SLC9A2: variants seen among roughly 807,000 people sequenced by gnomAD.
The protein encoded by SLC9A2 is solute carrier family 9 member A2, also known as sodium/hydrogen exchanger 2.
Under a neutral mutation model 71.7 loss-of-function variants are expected in SLC9A2, and 42 were observed. That is an observed-to-expected ratio of 0.59 (90% CI 0.46 to 0.76). SLC9A2 has a LOEUF of 0.76. SLC9A2 is among the 30% of genes least tolerant of loss of function. The pLI is 0.00. For synonymous variants in SLC9A2, 396 were observed against 392.5 expected (o/e 1.01, Z -0.10); for missense variants, 829 against 1,017.4 (o/e 0.81, Z 2.52).
At chr2:102,628,497 G>A (rs1023625347) in intron 1 of SLC9A2, among the ~76,000 whole-genome samples, 1 of 152,058 alleles carries the variant, frequency 6.6e-6, no homozygotes, top group Non-Finnish European at 1.5e-5. Flanking sequence ...TGATCCAAAT[G>A]GGTAAATTTT....
At chr2:102,650,650 G>A (rs911924254) in intron 1 of SLC9A2, among the ~76,000 whole-genome samples, 5 of 152,086 alleles carry the variant, frequency 3.3e-5, no homozygotes, top group Non-Finnish European at 7.4e-5. Flanking sequence ...GATAACACTG[G>A]TTAAATTATG....
Position 102,708,873 on chromosome 2 carries a change from A to C in SLC9A2, c.*384A>C. 5.1e-6 allele frequency: 1 copy of C among 195,906 alleles called. No individual in the cohort carries two copies. 12.1% of individuals were successfully genotyped at this position (195,906 alleles called of 1,614,324 possible). A position where few individuals can be genotyped will look rare whatever the true frequency, so the allele number is the denominator to read the frequency against. On this transcript the variant is annotated 3_prime_UTR_variant, in exon 12 of 12. Coordinates refer to ENST00000233969, the MANE Select transcript of SLC9A2 (RefSeq NM_003048.6). ...TTTATGAAAAAATATGTATATCTGTAATCAGTTGTTAAGTGAATGGCACTA... is the reference window on the plus strand; with the variant it reads ...TTTATGAAAAAATATGTATATCTGTCATCAGTTGTTAAGTGAATGGCACTA...
At chr2:102,683,623 T>C (rs1251592172) in intron 4 of SLC9A2, 145 bp downstream of exon 4, 2 of 658,950 alleles carry the variant, frequency 3.0e-6, no homozygotes, top group Non-Finnish European at 5.3e-6. Flanking sequence ...CTTCCTCCTC[T>C]TCTTCCTCTT....
chr2:102,649,720 A>G (rs1471372433), intron 1 of SLC9A2, among the ~76,000 whole-genome samples: 2 of 152,234 alleles, frequency 1.3e-5, no homozygotes, highest in Admixed American at 6.5e-5. Flanking sequence ...CATGAAAAAA[A>G]GCTCATCATC....
At chr2:102,631,611 T>A (rs1472650210) in intron 1 of SLC9A2, among the ~76,000 whole-genome samples, 1 of 152,086 alleles carries the variant, frequency 6.6e-6, no homozygotes, top group African/African-American at 2.4e-5. Context: ...TTTGTGTCCA[T>A]ATTGTTGGAT....
chr2:102,701,310 T>A lies in SLC9A2; in HGVS notation c.1748+79T>A, dbSNP rs879880567. 612 of 1,102,892 alleles carry A rather than the reference T, an allele frequency of 5.5e-4. 2 individuals carry two copies. The highest frequency in any genetic ancestry group is 7.2e-4 in the Non-Finnish European group (560 of 776,932). 68.3% of individuals were successfully genotyped at this position (1,102,892 alleles called of 1,614,324 possible). A position where few individuals can be genotyped will look rare whatever the true frequency, so the allele number is the denominator to read the frequency against. ...ATTTTGAAACTGGTAATAATAATTT[T>A]AAAAAAATTATTATTAATTGATCCG... On this transcript the variant is annotated intron_variant, in intron 8 of 11. Transcript: ENST00000233969.
intron 9 of SLC9A2, among the ~76,000 whole-genome samples, chr2:102,703,130 G>A (rs1278205134): frequency 6.6e-6 from 1 of 152,168 alleles, no homozygotes; most frequent in Non-Finnish European, 1.5e-5. Flanking sequence ...TTGCTCATGT[G>A]GGGGCTGTTT....
intron 3 of SLC9A2, among the ~76,000 whole-genome samples, chr2:102,676,122 C>A (rs1677341645): frequency 6.6e-6 from 1 of 152,198 alleles, no homozygotes; most frequent in Non-Finnish European, 1.5e-5. Context: ...CATGTAGAAC[C>A]ACAAAGTATT....
rs1678089030 is a variant in SLC9A2 at position 102,710,630 on chromosome 2, TGACA to T, written c.*2142_*2145del. 6.8e-6 allele frequency: 1 copy of T among 147,346 alleles called. No individual in the cohort carries two copies. Among genetic ancestry groups the T allele is most frequent in the South Asian group, 2.1e-4 (1 of 4,832 alleles). 9.1% of individuals were successfully genotyped at this position (147,346 alleles called of 1,614,324 possible). A position where few individuals can be genotyped will look rare whatever the true frequency, so the allele number is the denominator to read the frequency against. ...GTTTAAATTTTTTTTGTTTGTTGAA[TGACA>T]AAGGCAATAAAAATAAATTTGACTT... is the stretch of plus-strand genomic sequence containing the variant. On this transcript the variant is annotated 3_prime_UTR_variant, in exon 12 of 12. Transcript: ENST00000233969.
chr2:102,623,178 TC>T (rs1334292729), intron 1 of SLC9A2, among the ~76,000 whole-genome samples: 1 of 152,116 alleles, frequency 6.6e-6, no homozygotes, highest in Non-Finnish European at 1.5e-5. Context: ...CCTCCTGTCC[TC>T]CCCCAAATTT....
At chr2:102,654,900 T>C (rs2104517797) in intron 1 of SLC9A2, among the ~76,000 whole-genome samples, 1 of 152,318 alleles carries the variant, frequency 6.6e-6, no homozygotes, top group South Asian at 2.1e-4. Flanking sequence ...TATTTAAACA[T>C]ATCTAGACAT....
At chr2:102,706,530 A>G (rs1237288161) in intron 11 of SLC9A2, among the ~76,000 whole-genome samples, 1 of 152,180 alleles carries the variant, frequency 6.6e-6, no homozygotes, top group East Asian at 1.9e-4. Flanking sequence ...CATATGTAAC[A>G]AACCTGCACA....
chr2:102,666,989 C>T (rs755978960), intron 3 of SLC9A2, among the ~76,000 whole-genome samples: 1 of 152,116 alleles, frequency 6.6e-6, no homozygotes, highest in Non-Finnish European at 1.5e-5. Context: ...TGACTTTTGC[C>T]ATATATCAGC....
At chr2:102,666,881 A>C (rs1284699214) in intron 3 of SLC9A2, among the ~76,000 whole-genome samples, 1 of 152,188 alleles carries the variant, frequency 6.6e-6, no homozygotes, top group Non-Finnish European at 1.5e-5. Flanking sequence ...GACCTGCCAT[A>C]CATATTTAGA....
intron 1 of SLC9A2, among the ~76,000 whole-genome samples, chr2:102,627,653 T>C (rs1356886108): frequency 6.6e-6 from 1 of 152,154 alleles, no homozygotes; most frequent in East Asian, 1.9e-4. Context: ...CAGGAGTTTG[T>C]CTATTTGATA....
chr2:102,622,875 T>G (rs554802119), intron 1 of SLC9A2, among the ~76,000 whole-genome samples: 1 of 152,330 alleles, frequency 6.6e-6, no homozygotes, highest in African/African-American at 2.4e-5. Flanking sequence ...CCTGTCTCTC[T>G]TTACTTCCGC....
chr2:102,683,899 A>G (rs1189744920), intron 4 of SLC9A2, among the ~76,000 whole-genome samples: 1 of 151,922 alleles, frequency 6.6e-6, no homozygotes, highest in African/African-American at 2.4e-5. Flanking sequence ...GCTTTGTTAT[A>G]AGTCAGATTA....
chr2:102,648,438 C>A (rs1167053745), intron 1 of SLC9A2, among the ~76,000 whole-genome samples: 1 of 152,134 alleles, frequency 6.6e-6, no homozygotes, highest in East Asian at 1.9e-4. Flanking sequence ...CGGCACAAGA[C>A]AAGGATGCCC....
rs549427541 is a variant in SLC9A2, at chr2:102,647,979, A to G, written c.290-9585A>G. Reference sequence around the variant, plus strand: ...ACAATAGAAAAAGAAGGACTCTTCCATAACTCATTTTATGAGGCCAGCATC... The same window carrying G: ...ACAATAGAAAAAGAAGGACTCTTCCGTAACTCATTTTATGAGGCCAGCATC... On this transcript the variant is annotated intron_variant, in intron 1 of 11. Transcript: ENST00000233969. Among the ~76,000 whole-genome samples the G allele has an allele frequency of 4.6e-5, 7 of 152,264 alleles. No homozygotes were observed. In the South Asian group the frequency reaches 1.5e-3, roughly 32 times the overall value.
Sources: gnomAD v4.1 joint callset for allele counts (sites outside exome capture counted in the v4.1 genomes callset) on GRCh38, gnomAD v4.1.1 for gene constraint, MANE v1.5 for transcripts, NCBI Gene and HGNC (gene_info 2026-07-23, HGNC 2026-07-21) for gene names.